The following TENM4 variants were observed in gnomAD, a reference collection of about 807,000 sequenced individuals.
TENM4 encodes teneurin transmembrane protein 4.
Under a neutral mutation model 243.3 loss-of-function variants are expected in TENM4, and 82 were observed. That is an observed-to-expected ratio of 0.34 (90% CI 0.28 to 0.40). The LOEUF (loss-of-function observed/expected upper bound fraction) is 0.40, where lower values mean the gene tolerates loss of function less well. Ranked by LOEUF, TENM4 falls within the 10% of genes least tolerant of loss-of-function variation. The pLI, the probability that TENM4 is intolerant of heterozygous loss-of-function variation, is 1.00. For missense variants in TENM4, 3,138 were observed against 3,673.3 expected (o/e 0.85, Z 3.77); for synonymous variants, 1,412 against 1,456.3 (o/e 0.97, Z 0.69).
intron 6 of TENM4, among the ~76,000 whole-genome samples, chr11:78,984,245 A>C (rs1017434464): frequency 2.0e-5 from 3 of 152,136 alleles, no homozygotes; most frequent in Non-Finnish European, 2.9e-5. Flanking sequence ...GCCTTGTTAC[A>C]CTCATGTAAG....
chr11:79,125,820 C>G (rs1565214209), intron 4 of TENM4, among the ~76,000 whole-genome samples: 1 of 152,136 alleles, frequency 6.6e-6, no homozygotes, highest in Non-Finnish European at 1.5e-5. Context: ...CCCCAACACC[C>G]CTGTTTGCTT....
In TENM4 at chr11:79,161,126, C is replaced by T. The variant is rs571449324; in HGVS notation, c.-162-12320G>A. ...ACCTTGTGAAGTAGAACATCTCTAT[C>T]CCCCTGGCTGAGATTTTATGTGCAA... On this transcript the variant is annotated intron_variant, in intron 3 of 33. Coordinates refer to ENST00000278550, the MANE Select transcript of TENM4 (RefSeq NM_001098816.3). Among the ~76,000 whole-genome samples the T allele has an allele frequency of 6.6e-5, 10 of 152,278 alleles. No individual in the cohort carries two copies. The East Asian group carries it at 1.7e-3, about 27-fold the overall frequency.
intron 4 of TENM4, among the ~76,000 whole-genome samples, chr11:79,147,745 T>C (rs1862420031): frequency 1.3e-5 from 2 of 152,074 alleles, no homozygotes; most frequent in South Asian, 4.1e-4. Context: ...CGCAACCCTT[T>C]GCAACATTTA....
intron 1 of TENM4, among the ~76,000 whole-genome samples, chr11:79,423,461 G>A (rs551528664): frequency 1.3e-5 from 2 of 151,982 alleles, no homozygotes; most frequent in East Asian, 1.9e-4. Flanking sequence ...TGGTTTGAAA[G>A]GGTCTTCATG....
At chr11:78,700,803 C>T (rs961391436) in intron 28 of TENM4, among the ~76,000 whole-genome samples, 1 of 152,108 alleles carries the variant, frequency 6.6e-6, no homozygotes, top group Non-Finnish European at 1.5e-5. Flanking sequence ...GGCAGAGAAA[C>T]CTACCCTTTA....
intron 6 of TENM4, among the ~76,000 whole-genome samples, chr11:78,952,582 G>C (rs978545904): frequency 6.6e-6 from 1 of 152,212 alleles, no homozygotes; most frequent in Non-Finnish European, 1.5e-5. Context: ...TGTAAAACTA[G>C]CAAATAGACA....
intron 15 of TENM4, among the ~76,000 whole-genome samples, chr11:78,788,323 A>G (rs117499893): frequency 7.6e-4 from 116 of 152,374 alleles, no homozygotes; most frequent in Admixed American, 2.4e-3. Context: ...TTCCTGTGCC[A>G]GACATCCTGC....
intron 18 of TENM4, among the ~76,000 whole-genome samples, chr11:78,763,283 G>A (rs1856469671): frequency 6.6e-6 from 1 of 152,170 alleles, no homozygotes; most frequent in African/African-American, 2.4e-5. Context: ...AAAAGAGGCA[G>A]AAGAAAATGT....
intron 3 of TENM4, among the ~76,000 whole-genome samples, chr11:79,201,628 G>A (rs1863739716): frequency 1.3e-5 from 2 of 152,148 alleles, no homozygotes; most frequent in Non-Finnish European, 2.9e-5. Context: ...CAGAATTCCT[G>A]CCCTTAGGGA....
At chr11:79,025,486 G>A (rs1329350746) in intron 6 of TENM4, among the ~76,000 whole-genome samples, 1 of 152,194 alleles carries the variant, frequency 6.6e-6, no homozygotes, top group Non-Finnish European at 1.5e-5. Flanking sequence ...TTTGCCCAAG[G>A]CCATGGAGAC....
chr11:78,902,883 G>T (rs1000213111), intron 7 of TENM4, among the ~76,000 whole-genome samples: 1 of 152,028 alleles, frequency 6.6e-6, no homozygotes, highest in African/African-American at 2.4e-5. Flanking sequence ...AGCCAAACCA[G>T]ACTGAGAGCC....
intron 4 of TENM4, among the ~76,000 whole-genome samples, chr11:79,139,703 A>AT (rs1255118402): frequency 1.2e-5 from 1 of 82,988 alleles, no homozygotes; most frequent in Non-Finnish European, 2.1e-5. Context: ...TATATATAAT[A>AT]TTTATATAAG....
intron 2 of TENM4, among the ~76,000 whole-genome samples, chr11:79,284,981 T>G (rs1856223583): frequency 6.6e-6 from 1 of 152,178 alleles, no homozygotes; most frequent in Non-Finnish European, 1.5e-5. Flanking sequence ...CTCACGCCTG[T>G]AATCCCAGCA....
chr11:79,000,897 G>C (rs1022561097), intron 6 of TENM4, among the ~76,000 whole-genome samples: 2 of 152,132 alleles, frequency 1.3e-5, no homozygotes, highest in African/African-American at 4.8e-5. Context: ...CAGGCCTGGT[G>C]GCATATGCCT....
Position 78,669,610 on chromosome 11 carries a change from G to T in TENM4, c.6735C>A (p.Ile2245=). The T allele has an allele frequency of 2.5e-6, 4 of 1,614,000 alleles. No individual in the cohort carries two copies. The highest frequency in any genetic ancestry group is 3.4e-6 in the Non-Finnish European group (4 of 1,179,910). The change falls in exon 32 of 34, where the codon ATC becomes ATA. Residue 2245 remains isoleucine, a synonymous_variant. Transcript: ENST00000278550. The surrounding 1 kb of genome is among the most constrained non-coding windows in gnomAD (Gnocchi z 6.4). ...TGTATTGCACGTCACCCAGCCGAGT[G>T]ATGCGGTCGCGGATGTCATACCGTA... ...TPLRYDIRDR[I]TRLGDVQYKM...
chr11:79,136,964 G>A (rs4945328), intron 4 of TENM4, among the ~76,000 whole-genome samples: 43,299 of 151,914 alleles, frequency 0.29, 7,839 homozygotes, highest in African/African-American at 0.52. Flanking sequence ...GCAGAAGGCC[G>A]TGTATGCTCT....
intron 6 of TENM4, among the ~76,000 whole-genome samples, chr11:78,942,992 A>C (rs1856934608): frequency 6.6e-6 from 1 of 152,116 alleles, no homozygotes; most frequent in African/African-American, 2.4e-5. Flanking sequence ...AGATTTTCAA[A>C]TCCAATGAAA....
intron 15 of TENM4, among the ~76,000 whole-genome samples, chr11:78,801,395 G>A (rs1857279893): frequency 6.6e-6 from 1 of 152,224 alleles, no homozygotes; most frequent in Non-Finnish European, 1.5e-5. Context: ...CAACAGTTAT[G>A]TCGTGTGATT....
At chr11:79,097,222 C>T (rs895368049) in intron 4 of TENM4, 5 of 152,208 alleles carry the variant, frequency 3.3e-5, no homozygotes, top group African/African-American at 1.2e-4. Context: ...GAATCCACTC[C>T]CTTTCCCGGA....
Sources: allele counts gnomAD v4.1 joint callset (sites outside exome capture counted in the v4.1 genomes callset), GRCh38; gene constraint gnomAD v4.1.1; non-coding constraint Gnocchi (gnomAD v3.1); transcripts MANE v1.5; gene names NCBI Gene and HGNC (gene_info 2026-07-23, HGNC 2026-07-21).